EXT2: variants seen among roughly 807,000 people sequenced by gnomAD.
EXT2 encodes the protein exostosin glycosyltransferase 2, also known as exostosin-2.
EXT2 carries 53 observed loss-of-function variants against 81.6 expected under a neutral mutation model. The ratio of observed to expected loss-of-function variants is 0.65; its 90% CI spans 0.52 to 0.82. The LOEUF (loss-of-function observed/expected upper bound fraction) is 0.82, where lower values mean the gene tolerates loss of function less well. EXT2 is among the 40% of genes least tolerant of loss of function. The probability of loss-of-function intolerance (pLI) is 0.00; values close to 1 mark genes in which losing one functional copy is unlikely to be tolerated. For missense variants in EXT2, 774 were observed against 910.2 expected (o/e 0.85, Z 1.93); for synonymous variants, 320 against 340.0 (o/e 0.94, Z 0.65).
At chr11:44,188,842 G>T (rs1955352806) in intron 8 of EXT2, among the ~76,000 whole-genome samples, 1 of 152,192 alleles carries the variant, frequency 6.6e-6, no homozygotes, top group African/African-American at 2.4e-5. Flanking sequence ...CTGAGTTCCA[G>T]AAGAAGAGGT....
chr11:44,205,808 A>T (rs894549019), intron 9 of EXT2, among the ~76,000 whole-genome samples: 1 of 152,222 alleles, frequency 6.6e-6, no homozygotes, highest in African/African-American at 2.4e-5. Context: ...TACATGATGG[A>T]CTTTTTGAAA....
At chr11:44,164,528 G>C (rs2135112748) in intron 7 of EXT2, among the ~76,000 whole-genome samples, 1 of 152,296 alleles carries the variant, frequency 6.6e-6, no homozygotes, top group South Asian at 2.1e-4. Context: ...TGAAAATTAA[G>C]AAATTAATCA....
At chr11:44,124,083 C>T (rs1465970565) in intron 4 of EXT2, among the ~76,000 whole-genome samples, 1 of 152,186 alleles carries the variant, frequency 6.6e-6, no homozygotes, top group African/African-American at 2.4e-5. Flanking sequence ...GGAGATCTTT[C>T]TTCCCTCTGT....
intron 7 of EXT2, among the ~76,000 whole-genome samples, chr11:44,165,584 G>T (rs112721976): frequency 1.3e-5 from 2 of 152,156 alleles, no homozygotes; most frequent in African/African-American, 4.8e-5. Context: ...GGTGTCCTGG[G>T]TGGATTTCTT....
At chr11:44,208,185 G>T (rs1042174218) in intron 10 of EXT2, among the ~76,000 whole-genome samples, 2 of 151,532 alleles carry the variant, frequency 1.3e-5, no homozygotes, top group African/African-American at 4.9e-5. Context: ...GCCAAGTAAT[G>T]GCAAAAAGAC....
At chr11:44,097,972 CTT>C (rs1953925593) in intron 1 of EXT2, among the ~76,000 whole-genome samples, 1 of 152,170 alleles carries the variant, frequency 6.6e-6, no homozygotes, top group South Asian at 2.1e-4. Flanking sequence ...GGTTAAAAGA[CTT>C]TTCCAGTGAC....
chr11:44,237,638 G>T (rs982658600), intron 13 of EXT2, among the ~76,000 whole-genome samples: 1 of 152,074 alleles, frequency 6.6e-6, no homozygotes, highest in Admixed American at 6.5e-5. Flanking sequence ...AGTTAAAATG[G>T]TGTATCGGAT....
intron 7 of EXT2, among the ~76,000 whole-genome samples, chr11:44,167,836 T>G (rs1405396314): frequency 6.6e-6 from 1 of 152,152 alleles, no homozygotes; most frequent in Non-Finnish European, 1.5e-5. Context: ...TATTATACTT[T>G]AAGTTTTAGG....
At chr11:44,224,354 ATATC>A (rs1367435235) in intron 10 of EXT2, among the ~76,000 whole-genome samples, 2 of 152,046 alleles carry the variant, frequency 1.3e-5, no homozygotes, top group African/African-American at 4.8e-5. Flanking sequence ...CTATCTATCT[ATATC>A]TATATCTATA....
intron 9 of EXT2, among the ~76,000 whole-genome samples, chr11:44,202,043 C>T (rs1955527848): frequency 6.6e-6 from 1 of 152,184 alleles, no homozygotes; most frequent in African/African-American, 2.4e-5. Context: ...TAGCTGATCA[C>T]TGAAATGGAG....
chr11:44,184,820 A>C (rs1269862920), intron 8 of EXT2, among the ~76,000 whole-genome samples: 2 of 152,186 alleles, frequency 1.3e-5, no homozygotes, highest in Non-Finnish European at 2.9e-5. Context: ...CAGCAATGTC[A>C]CTGATCAGTT....
At chr11:44,206,660 G>A (rs1168826922) in intron 9 of EXT2, 133 bp from the exon 10 acceptor site, 6 of 891,256 alleles carry the variant, frequency 6.7e-6, no homozygotes, top group Non-Finnish European at 1.1e-5. Context: ...CCCTGACACA[G>A]TTCTACCTTT....
At chr11:44,196,934 G>A (rs58416077) in intron 8 of EXT2, among the ~76,000 whole-genome samples, 18 of 152,276 alleles carry the variant, frequency 1.2e-4, no homozygotes, top group African/African-American at 2.9e-4. Flanking sequence ...AAAGCTGATC[G>A]GAAGTTCTTT....
chr11:44,128,998 T>C (rs1954450412), intron 6 of EXT2, among the ~76,000 whole-genome samples: 1 of 152,256 alleles, frequency 6.6e-6, no homozygotes, highest in Non-Finnish European at 1.5e-5. Context: ...CATTAATTTA[T>C]ACAAATGTAA....
intron 8 of EXT2, among the ~76,000 whole-genome samples, chr11:44,174,867 A>G (rs1290771038): frequency 6.6e-6 from 1 of 152,198 alleles, no homozygotes; most frequent in Non-Finnish European, 1.5e-5. Flanking sequence ...ACAGAGGGAC[A>G]GGGGAGCTTG....
chr11:44,164,160 A>G (rs1296272479), intron 7 of EXT2, among the ~76,000 whole-genome samples: 4 of 152,128 alleles, frequency 2.6e-5, no homozygotes, highest in Non-Finnish European at 5.9e-5. Context: ...TTCTTCATCT[A>G]TAATACTGGT....
chr11:44,234,207 C>T lies in EXT2; in HGVS notation c.1899C>T (p.Phe633=), dbSNP rs777102032. The T allele has an allele frequency of 1.2e-6, 2 of 1,614,108 alleles. No homozygotes were observed. Among genetic ancestry groups the T allele is most frequent in the Non-Finnish European group, 1.7e-6 (2 of 1,180,014 alleles). ...ACTGTGAAGATATTGCCATGAACTT[C>T]CTGGTGGCCAACGTCACGGGAAAAG... is the stretch of plus-strand genomic sequence containing the variant. ...HMNCEDIAMN[F]LVANVTGKAV... Residue 633 remains phenylalanine, a synonymous_variant, in exon 12 of 14, where the codon TTC becomes TTT. Coordinates refer to ENST00000533608, the MANE Select transcript of EXT2 (RefSeq NM_207122.2).
At chr11:44,105,257 C>T (rs1447503683) in intron 1 of EXT2, among the ~76,000 whole-genome samples, 7 of 152,164 alleles carry the variant, frequency 4.6e-5, no homozygotes, top group South Asian at 4.2e-4. Flanking sequence ...CTGGAAGATC[C>T]GTGAGTAGAA....
Position 44,221,694 on chromosome 11 carries a change from C to T in EXT2, c.1663-10659C>T, listed in dbSNP as rs1304887159. Among the ~76,000 whole-genome samples, 3 of 152,124 alleles carry T rather than the reference C, an allele frequency of 2.0e-5. No individual in the cohort carries two copies. The East Asian group carries it at 5.8e-4, about 29-fold the overall frequency. Reference sequence around the variant, plus strand: ...TGTGTGGGCAGGATTGGGCCCAGGGCCAGGGTAAATCAGAGCAGCCCCAGG... The same window carrying T: ...TGTGTGGGCAGGATTGGGCCCAGGGTCAGGGTAAATCAGAGCAGCCCCAGG... On this transcript the variant is annotated intron_variant, in intron 10 of 13. Transcript: ENST00000533608.
Sources: gnomAD v4.1 joint callset for allele counts (sites outside exome capture counted in the v4.1 genomes callset) on GRCh38, gnomAD v4.1.1 for gene constraint, MANE v1.5 for transcripts, NCBI Gene and HGNC (gene_info 2026-07-23, HGNC 2026-07-21) for gene names.